Variants in GATA6 observed in about 807,000 individuals in gnomAD.
The protein encoded by GATA6 is GATA binding protein 6, also known as transcription factor GATA-6.
Under a neutral mutation model 48.1 loss-of-function variants are expected in GATA6, and 11 were observed. The observed-to-expected ratio is 0.23, with a 90% CI of 0.14 to 0.38. The LOEUF (loss-of-function observed/expected upper bound fraction) is 0.38. Ranked by LOEUF, GATA6 falls within the 10% of genes least tolerant of loss-of-function variation. The pLI, the probability that GATA6 is intolerant of heterozygous loss-of-function variation, is 1.00. For synonymous variants in GATA6, 419 were observed against 396.1 expected, an observed-to-expected ratio of 1.06 and a Z score of -0.69; for missense variants, 795 against 850.3, an observed-to-expected ratio of 0.93 and a Z score of 0.81.
At position 22,171,368 on chromosome 18, in the gene GATA6, C is replaced by T. The variant is rs774180483; in HGVS notation, c.224C>T (p.Ala75Val). The T allele has an allele frequency of 2.5e-6, 4 of 1,583,944 alleles. No individual in the cohort carries two copies. The highest frequency in any genetic ancestry group is 8.5e-7 in the Non-Finnish European group (1 of 1,172,690). The part of the protein sequence containing the change: ...LDTEAAAGPP[A>V]RSLLLSSYAS... ...ACGGAGGCGGCGGCCGGACCCCCGGCCCGCTCGCTGCTGCTCAGTTCCTAC... is the reference window on the plus strand; with the variant it reads ...ACGGAGGCGGCGGCCGGACCCCCGGTCCGCTCGCTGCTGCTCAGTTCCTAC... The change falls in exon 2 of 7, where the codon GCC becomes GTC. Residue 75 changes from alanine to valine, a missense_variant. Physicochemically the swap from Ala to Val is moderately conservative, Grantham distance 64. This residue lies in a region of GATA6 where 591 missense variants were observed against 570.0 expected (regional missense o/e 1.04). Coordinates refer to ENST00000269216, the MANE Select transcript of GATA6 (RefSeq NM_005257.6). This position sits in a 1 kb window ranked among gnomAD's most constrained non-coding sequence, Gnocchi z 7.1.
chr18:22,186,767 T>G (rs769803285), intron 6 of GATA6, among the ~76,000 whole-genome samples: 2 of 152,206 alleles, frequency 1.3e-5, no homozygotes, highest in African/African-American at 4.8e-5. Flanking sequence ...CACGAAAATT[T>G]TTGTGCTGCT....
chr18:22,174,528 A>G (rs2033097044), intron 2 of GATA6, among the ~76,000 whole-genome samples: 1 of 146,412 alleles, frequency 6.8e-6, no homozygotes, highest in Admixed American at 6.6e-5. Flanking sequence ...TATTTTTTTA[A>G]GTATTTTTTT....
chr18:22,187,853 GAA>G (rs113587081), intron 6 of GATA6, among the ~76,000 whole-genome samples: 16 of 151,022 alleles, frequency 1.1e-4, no homozygotes, highest in East Asian at 1.9e-4. Context: ...CAGAAAAAAA[GAA>G]AAAAAAATTA....
intron 6 of GATA6, among the ~76,000 whole-genome samples, chr18:22,200,087 A>C (rs1339625062): frequency 6.6e-6 from 1 of 152,156 alleles, no homozygotes; most frequent in Admixed American, 6.5e-5. Flanking sequence ...GTCAATGTTC[A>C]AAAATTTCAC....
chr18:22,175,922 G>A (rs1056619487), intron 2 of GATA6, among the ~76,000 whole-genome samples: 2 of 151,834 alleles, frequency 1.3e-5, no homozygotes, highest in Admixed American at 6.6e-5. Flanking sequence ...CTTAAATGGC[G>A]GTCTATACTT....
chr18:22,175,303 G>A (rs2033107352), intron 2 of GATA6, among the ~76,000 whole-genome samples: 1 of 152,100 alleles, frequency 6.6e-6, no homozygotes, highest in African/African-American at 2.4e-5. Context: ...TTGTCTTTGG[G>A]TTTTCAGATG....
intron 6 of GATA6, among the ~76,000 whole-genome samples, chr18:22,199,038 C>T (rs1405748690): frequency 6.6e-6 from 1 of 152,088 alleles, no homozygotes; most frequent in African/African-American, 2.4e-5. Flanking sequence ...CGGGTTTGGT[C>T]TGTCTGGTTG....
chr18:22,198,608 C>T (rs1333324995), intron 6 of GATA6, among the ~76,000 whole-genome samples: 2 of 152,212 alleles, frequency 1.3e-5, no homozygotes, highest in Non-Finnish European at 2.9e-5. Flanking sequence ...TATAAGGAAG[C>T]TCACTCTAAT....
In GATA6 at chr18:22,200,736, G is replaced by T; in HGVS notation, c.1701G>T (p.Gly567=). Residue 567 remains glycine (G), a synonymous_variant, in exon 7 of 7, where the codon GGG becomes GGT. Coordinates refer to ENST00000269216, the MANE Select transcript of GATA6 (RefSeq NM_005257.6). The stretch of plus-strand genomic sequence containing the variant: ...AGCTCAAGTATTCGGGTCAAGATGG[G>T]CTCTACATAGGCGTCAGTCTCGCCT... The part of the protein sequence containing the change: ...NSELKYSGQD[G]LYIGVSLASP... The T allele has an allele frequency of 6.2e-7, 1 of 1,614,190 alleles. No individual in the cohort carries two copies. Among genetic ancestry groups the T allele is most frequent in the South Asian group, 1.1e-5 (1 of 91,068 alleles).
At chr18:22,191,032 CGTGTGTGTGTGTGTGTGT>C (rs57925913) in intron 6 of GATA6, among the ~76,000 whole-genome samples, 9 of 121,204 alleles carry the variant, frequency 7.4e-5, no homozygotes, top group African/African-American at 1.2e-4. Flanking sequence ...TTTTAAATCT[CGTGTGTGTGTGTGTGTGT>C]GTGTGTGTGT....
Position 22,172,366 on chromosome 18 carries a change from G to A in GATA6, c.1135+87G>A. The A allele has an allele frequency of 2.0e-6, 3 of 1,485,336 alleles. No homozygotes were observed. The highest frequency in any genetic ancestry group is 1.3e-5 in the South Asian group (1 of 78,758). 92.0% of individuals were successfully genotyped at this position (1,485,336 alleles called of 1,614,324 possible). ...GGAGCAGCTGCTCCACTCGGGCCCT[G>A]TTTTCAGGACTTTCTCGTCCGGGTG... On this transcript the variant is annotated intron_variant, in intron 2 of 6. Transcript: ENST00000269216. This position sits in a 1 kb window ranked among gnomAD's most constrained non-coding sequence, Gnocchi z 5.2.
chr18:22,171,548 A>C lies in GATA6; in HGVS notation c.404A>C (p.Lys135Thr). The C allele has an allele frequency of 6.2e-7, 1 of 1,602,638 alleles. No individual in the cohort carries two copies. The change falls in exon 2 of 7, where the codon AAG (lysine) becomes ACG (threonine). Residue 135 changes from lysine to threonine, a missense_variant. Around this residue, in one of 5 missense-constraint regions of GATA6, gnomAD observed 591 missense variants for 570.0 expected, o/e 1.04. Coordinates refer to ENST00000269216, the MANE Select transcript of GATA6 (RefSeq NM_005257.6). This position sits in a 1 kb window ranked among gnomAD's most constrained non-coding sequence, Gnocchi z 7.1. ...SKLLWSSRGA[K>T]LSPFAPEQPE... is the part of the protein sequence containing the mutation. ...CTGCTGTGGTCCAGCCGCGGCGCCA[A>C]GCTGAGCCCCTTCGCACCCGAGCAG...
intron 6 of GATA6, among the ~76,000 whole-genome samples, chr18:22,198,614 C>G (rs1166565895): frequency 6.6e-6 from 1 of 152,230 alleles, no homozygotes; most frequent in Non-Finnish European, 1.5e-5. Context: ...GAAGCTCACT[C>G]TAATAGTTCC....
At position 22,170,812 on chromosome 18, in the gene GATA6, A is replaced by C; in HGVS notation, c.-37-296A>C. On this transcript the variant is annotated intron_variant, in intron 1 of 6. Coordinates refer to ENST00000269216, the MANE Select transcript of GATA6 (RefSeq NM_005257.6). The surrounding 1 kb of genome is among the most constrained non-coding windows in gnomAD (Gnocchi z 6.7). ...GATCTGGCGCGCGCACGGAGAAAGG[A>C]TGCGGCCGAGGGGGTGGGCGGGGAG... The C allele has an allele frequency of 4.7e-6, 2 of 429,222 alleles. No homozygotes were observed. The highest frequency in any genetic ancestry group is 8.4e-6 in the Non-Finnish European group (2 of 237,210). The allele number at this position is 429,222 out of a possible 1,614,324, so 26.6% of individuals were successfully genotyped here. A position where few individuals can be genotyped will look rare whatever the true frequency, so the allele number is the denominator to read the frequency against.
Position 22,172,235 on chromosome 18 carries a change from G to T in GATA6, c.1091G>T (p.Ser364Ile), listed in dbSNP as rs1411846405. 1.3e-6 allele frequency: 2 copies of T among 1,533,988 alleles called. No homozygotes were observed. The highest frequency in any genetic ancestry group is 1.4e-5 in the African/African-American group (1 of 72,976). Reference protein sequence around the residue: ...FETPVLHSLQSRAGAPLPVPR... With the variant: ...FETPVLHSLQIRAGAPLPVPR... ...ACCCCGGTGCTGCACAGCCTGCAGA[G>T]CCGCGCCGGAGCCCCGCTCCCGGTG... is the stretch of plus-strand genomic sequence containing the variant. Residue 364 changes from serine to isoleucine, a missense_variant, in exon 2 of 7, where the codon AGC becomes ATC. Physicochemically the swap from Ser to Ile is moderately radical, Grantham distance 142 (BLOSUM62 -2). Around this residue, in one of 5 missense-constraint regions of GATA6, gnomAD observed 591 missense variants for 570.0 expected, o/e 1.04. Transcript: ENST00000269216. This position sits in a 1 kb window ranked among gnomAD's most constrained non-coding sequence, Gnocchi z 5.2.
At position 22,191,010 on chromosome 18, in the gene GATA6, C is replaced by CT. The variant is rs766238113; in HGVS notation, c.1620+7982dup. 1.5e-3 allele frequency among the ~76,000 whole-genome samples: 175 copies of CT among 115,012 alleles called. No individual in the cohort carries two copies. In the Middle Eastern group the frequency reaches 0.027, roughly 18 times the overall value. 75.5% of individuals were successfully genotyped at this position (115,012 alleles called of 152,430 possible). On this transcript the variant is annotated intron_variant, in intron 6 of 6. Transcript: ENST00000269216. ...GATCTCAAGGCTTTTTCTAGACTTCCTTTTTTTTTTTTTTTAAATCTCGTG... is the reference window on the plus strand; with the variant it reads ...GATCTCAAGGCTTTTTCTAGACTTCCTTTTTTTTTTTTTTTTAAATCTCGTG...
intron 6 of GATA6, among the ~76,000 whole-genome samples, chr18:22,193,046 G>A (rs1394533549): frequency 6.6e-6 from 1 of 152,204 alleles, no homozygotes; most frequent in African/African-American, 2.4e-5. Context: ...GGCGAGAGGG[G>A]TATGGGTTGG....
chr18:22,182,889 C>G, intron 5 of GATA6, 45 bp downstream of exon 5: 1 of 1,599,786 alleles, frequency 6.3e-7, no homozygotes, highest in Non-Finnish European at 8.6e-7. Flanking sequence ...ATTTGCCAAC[C>G]TTAACAGTAG....
chr18:22,200,058 T>C (rs2033437989), intron 6 of GATA6, among the ~76,000 whole-genome samples: 1 of 152,210 alleles, frequency 6.6e-6, no homozygotes, highest in South Asian at 2.1e-4. Flanking sequence ...TGTATATGCA[T>C]AGGTTTATTT....
Sources: gnomAD v4.1 joint callset for allele counts (sites outside exome capture counted in the v4.1 genomes callset) on GRCh38, gnomAD v4.1.1 for gene constraint, gnomAD v4.1.1 regional missense constraint, Gnocchi (gnomAD v3.1) non-coding constraint, MANE v1.5 for transcripts, NCBI Gene and HGNC (gene_info 2026-07-23, HGNC 2026-07-21) for gene names.